TSHZ3: variants seen among roughly 807,000 people sequenced by gnomAD.
TSHZ3 encodes the protein teashirt zinc finger homeobox 3.
Under a neutral mutation model 64.5 loss-of-function variants are expected in TSHZ3, and 10 were observed. That is an observed-to-expected ratio of 0.16 (90% CI 0.10 to 0.26). TSHZ3 has a LOEUF of 0.26. TSHZ3 is among the 10% of genes least tolerant of loss of function. The pLI is 1.00. For missense variants in TSHZ3, 1,242 were observed against 1,421.7 expected (o/e 0.87, Z 2.03); for synonymous variants, 608 against 593.1 (o/e 1.03, Z -0.36).
At chr19:31,270,454 C>T (rs373246937), downstream of TSHZ3, among the ~76,000 whole-genome samples, 99 of 152,182 alleles carry the variant, frequency 6.5e-4, no homozygotes, top group Non-Finnish European at 1.1e-3. Context: ...TACAGGTGCA[C>T]GCCACCATGC....
intron 5 of TSHZ3, among the ~76,000 whole-genome samples, chr19:31,196,507 A>C (rs1974995763): frequency 6.6e-6 from 1 of 151,966 alleles, no homozygotes; most frequent in Non-Finnish European, 1.5e-5. Flanking sequence ...TGGTTAAAAT[A>C]TTCTCATTAA....
intron 1 of TSHZ3, among the ~76,000 whole-genome samples, chr19:31,257,345 G>A (rs1290996031): frequency 2.0e-5 from 3 of 152,224 alleles, no homozygotes; most frequent in Non-Finnish European, 4.4e-5. Context: ...ATTCCCTTTG[G>A]TGCCTTAGCC....
At chr19:31,207,961 G>A (rs778180446) in intron 4 of TSHZ3, among the ~76,000 whole-genome samples, 1 of 152,206 alleles carries the variant, frequency 6.6e-6, no homozygotes, top group Non-Finnish European at 1.5e-5. Flanking sequence ...CCCAGGACAA[G>A]CTCCTTGTTC....
chr19:31,339,540 T>A (rs944854272), intron 1 of TSHZ3, among the ~76,000 whole-genome samples: 1 of 151,926 alleles, frequency 6.6e-6, no homozygotes, highest in East Asian at 1.9e-4. Flanking sequence ...TTCCCTCCCC[T>A]CCCCGTAGTC....
At chr19:31,313,854 G>C (rs1008460480) in intron 1 of TSHZ3, among the ~76,000 whole-genome samples, 2 of 152,312 alleles carry the variant, frequency 1.3e-5, no homozygotes, top group Non-Finnish European at 2.9e-5. Flanking sequence ...ATGGCACTGA[G>C]AGTCCGGGTA....
intron 1 of TSHZ3, among the ~76,000 whole-genome samples, chr19:31,266,142 T>C (rs543143612): frequency 2.6e-5 from 4 of 152,180 alleles, no homozygotes; most frequent in East Asian, 1.9e-4. Context: ...GGAGCCCATG[T>C]CCCCCTACAC....
At chr19:31,165,796 A>G (rs372490524) in intron 5 of TSHZ3, among the ~76,000 whole-genome samples, 37 of 152,360 alleles carry the variant, frequency 2.4e-4, no homozygotes, top group African/African-American at 8.7e-4. Context: ...ACATAATTAC[A>G]TAAATCTCAT....
chr19:31,260,518 C>T (rs1053611837), intron 1 of TSHZ3, among the ~76,000 whole-genome samples: 2 of 152,350 alleles, frequency 1.3e-5, no homozygotes, highest in Middle Eastern at 3.4e-3. Flanking sequence ...GGAACTCTGG[C>T]TGACAGGCTA....
intron 1 of TSHZ3, among the ~76,000 whole-genome samples, chr19:31,297,657 A>G (rs1976688659): frequency 6.6e-6 from 1 of 152,026 alleles, no homozygotes; most frequent in Non-Finnish European, 1.5e-5. Flanking sequence ...TTGTAGAGTC[A>G]GGGTCTAGCT....
intron 5 of TSHZ3, among the ~76,000 whole-genome samples, chr19:31,180,304 C>T (rs545129882): frequency 2.6e-5 from 4 of 152,284 alleles, no homozygotes; most frequent in Non-Finnish European, 5.9e-5. Context: ...TAGCAAGGTA[C>T]GGGCTGTACA....
At chr19:31,245,622 G>A (rs1270138253) in intron 1 of TSHZ3, among the ~76,000 whole-genome samples, 1 of 151,270 alleles carries the variant, frequency 6.6e-6, no homozygotes, top group Non-Finnish European at 1.5e-5. Flanking sequence ...CTGGACATGT[G>A]AAAATCATTG....
rs774108841 is a variant in TSHZ3, at chr19:31,278,434, C to T, written c.1359G>A (p.Thr453=). 37 of 1,613,936 alleles carry T rather than the reference C, an allele frequency of 2.3e-5. No individual in the cohort carries two copies. The highest frequency in any genetic ancestry group is 1.5e-4 in the Admixed American group (9 of 59,994). The part of the protein sequence containing the change: ...QSVPLAATTF[T]SPSNTPASIS... ...TGCTGGCAGGTGTATTGGAGGGGGA[C>T]GTGAAGGTGGTGGCTGCCAGGGGCA... The change falls in exon 2 of 2, where the codon ACG becomes ACA. Residue 453 remains threonine (T), a synonymous_variant. Coordinates refer to ENST00000240587, the MANE Select transcript of TSHZ3 (RefSeq NM_020856.4). This position sits in a 1 kb window ranked among gnomAD's most constrained non-coding sequence, Gnocchi z 4.7.
intron 1 of TSHZ3, among the ~76,000 whole-genome samples, chr19:31,318,343 G>T (rs1022917421): frequency 6.6e-6 from 1 of 152,022 alleles, no homozygotes; most frequent in African/African-American, 2.4e-5. Flanking sequence ...AGATCGGAAC[G>T]CAAAGAAGCA....
In TSHZ3 at chr19:31,224,142, G is replaced by A. The variant is rs368561311; in HGVS notation, n.686+3863C>T. ...ACGGAGATATAACTTTTGCTAGACA[G>A]GTTGGTGCCATTGTGTTCTGGCACC... is the stretch of plus-strand genomic sequence containing the variant. On this transcript the variant is annotated intron_variant and non_coding_transcript_variant, in intron 4 of 6. Coordinates refer to the TSHZ3 transcript ENST00000651361. 5.3e-5 allele frequency among the ~76,000 whole-genome samples: 8 copies of A among 152,308 alleles called. No homozygotes were observed. In the East Asian group the frequency reaches 1.5e-3, roughly 29 times the overall value.
intron 1 of TSHZ3, among the ~76,000 whole-genome samples, chr19:31,290,331 G>T (rs184260673): frequency 6.6e-6 from 1 of 152,230 alleles, no homozygotes; most frequent in African/African-American, 2.4e-5. Context: ...GCTCTTGACC[G>T]GGAGGGGCTC....
chr19:31,256,368 C>G (rs1188495028), intron 1 of TSHZ3, among the ~76,000 whole-genome samples: 1 of 152,118 alleles, frequency 6.6e-6, no homozygotes, highest in African/African-American at 2.4e-5. Context: ...GGTCCTTTTC[C>G]AGGTGCAGTA....
At chr19:31,312,815 A>G (rs530371510) in intron 1 of TSHZ3, among the ~76,000 whole-genome samples, 183 of 152,250 alleles carry the variant, frequency 1.2e-3, no homozygotes, top group African/African-American at 4.3e-3. Flanking sequence ...CACCTCCCCA[A>G]CACTTGCTAA....
In TSHZ3 at chr19:31,155,040, T is replaced by A. The variant is rs564073022; in HGVS notation, n.871+1316A>T. ...GGAAGAGAAGTCCTGAAAGCATCTT[T>A]CAACAGTGGTTCTTGGAGATAATTC... On this transcript the variant is annotated intron_variant and non_coding_transcript_variant, in intron 6 of 6. Coordinates refer to the TSHZ3 transcript ENST00000651361. 3.3e-5 allele frequency among the ~76,000 whole-genome samples: 5 copies of A among 152,348 alleles called. 1 individual carries two copies. In the South Asian group the frequency reaches 1.0e-3, roughly 32 times the overall value.
At chr19:31,188,235 C>T (rs907831840) in intron 5 of TSHZ3, among the ~76,000 whole-genome samples, 2 of 151,678 alleles carry the variant, frequency 1.3e-5, no homozygotes, top group Non-Finnish European at 2.9e-5. Flanking sequence ...GATCTTATCT[C>T]TAGTAACTTT....
Sources: gnomAD v4.1 joint callset for allele counts (sites outside exome capture counted in the v4.1 genomes callset) on GRCh38, gnomAD v4.1.1 for gene constraint, Gnocchi (gnomAD v3.1) non-coding constraint, MANE v1.5 for transcripts, NCBI Gene and HGNC (gene_info 2026-07-23, HGNC 2026-07-21) for gene names.